PCDHGB4: variants seen among roughly 807,000 people sequenced by gnomAD.
The protein encoded by PCDHGB4 is protocadherin gamma-B4.
PCDHGB4 carries 38 observed loss-of-function variants against 60.5 expected under a neutral mutation model. The observed-to-expected ratio is 0.63, with a 90% confidence interval of 0.48 to 0.82. The LOEUF is 0.82. Among genes scored for constraint, PCDHGB4 ranks in the 40% least tolerant of loss-of-function variants. The pLI is 0.00. For synonymous variants in PCDHGB4, 456 were observed against 509.7 expected (o/e 0.89, Z 1.42); for missense variants, 1,109 against 1,209.6 (o/e 0.92, Z 1.23).
intron 1 of PCDHGB4, chr5:141,468,330 C>CAAAAAA (rs533390277): frequency 1.3e-5 from 1 of 79,878 alleles, no homozygotes. Context: ...AACTCCATCT[C>CAAAAAA]AAAAAAAAAA....
At chr5:141,456,214 G>C (rs552287407) in intron 1 of PCDHGB4, among the ~76,000 whole-genome samples, 8 of 152,136 alleles carry the variant, frequency 5.3e-5, no homozygotes, top group Non-Finnish European at 7.4e-5. Context: ...CCTCCCTGTG[G>C]CGATATCAAA....
intron 1 of PCDHGB4, chr5:141,410,107 G>A: frequency 3.1e-6 from 5 of 1,612,702 alleles, no homozygotes; most frequent in Non-Finnish European, 4.2e-6. Flanking sequence ...TAGGCGACAG[G>A]GACGCAGCCC....
In PCDHGB4 at chr5:141,477,229, C is replaced by G. The variant is rs1376731101; in HGVS notation, c.2398-17578C>G. The G allele has an allele frequency of 6.2e-7, 1 of 1,614,222 alleles. No homozygotes were observed. The highest frequency in any genetic ancestry group is 8.5e-7 in the Non-Finnish European group (1 of 1,180,052). On this transcript the variant is annotated intron_variant, in intron 1 of 3. Transcript: ENST00000519479. This position sits in a 1 kb window ranked among gnomAD's most constrained non-coding sequence, Gnocchi z 4.9. ...AGGATGCCCCTCTGGGGACTGTCAT[C>G]GCTTTGCTCAGTGTGACTGACCTGG...
chr5:141,468,274 G>A (rs1461428449), intron 1 of PCDHGB4, among the ~76,000 whole-genome samples: 1 of 144,906 alleles, frequency 6.9e-6, no homozygotes, highest in Non-Finnish European at 1.5e-5. Flanking sequence ...GTGGTGAGCC[G>A]AGACCACGCC....
intron 1 of PCDHGB4, chr5:141,404,308 C>T (rs1241004917): frequency 6.2e-7 from 1 of 1,613,918 alleles, no homozygotes; most frequent in Middle Eastern, 1.6e-4. Flanking sequence ...CACCTGCTTT[C>T]TCTCAAGCCT....
At chr5:141,404,495 T>A in intron 1 of PCDHGB4, 1 of 1,613,920 alleles carries the variant, frequency 6.2e-7, no homozygotes, top group South Asian at 1.1e-5. Context: ...TGGTGTGCTG[T>A]ATGCTCTGTG....
rs376819906 is a variant in PCDHGB4 at position 141,418,227 on chromosome 5, T to C, written c.2397+27946T>C. On this transcript the variant is annotated intron_variant, in intron 1 of 3. Transcript: ENST00000519479. ...AATATTTTTCATGTCATTGTGGTGA[T>C]TGAGGATGTTAATGACCACGCCCCT... The C allele has an allele frequency of 6.8e-6, 11 of 1,613,856 alleles. No homozygotes were observed. In the South Asian group the frequency reaches 7.7e-5, roughly 11 times the overall value.
intron 3 of PCDHGB4, among the ~76,000 whole-genome samples, chr5:141,508,439 T>C (rs1037512760): frequency 1.3e-5 from 2 of 152,188 alleles, no homozygotes; most frequent in African/African-American, 4.8e-5. Flanking sequence ...ACACAGTTCC[T>C]TAGTGGCAGA....
At chr5:141,419,717 G>A (rs1159633605) in intron 1 of PCDHGB4, 3 of 1,613,236 alleles carry the variant, frequency 1.9e-6, no homozygotes, top group Non-Finnish European at 2.5e-6. Flanking sequence ...CTTCAGCCTG[G>A]GGCTGCGAAC....
chr5:141,417,518 G>C (rs193231266), intron 1 of PCDHGB4: 8 of 257,454 alleles, frequency 3.1e-5, no homozygotes, highest in Non-Finnish European at 5.1e-5. Context: ...TATTTTGGCT[G>C]TCAACTCGTA....
Position 141,432,298 on chromosome 5 carries a change from A to T in PCDHGB4, c.2397+42017A>T. Reference sequence around the variant, plus strand: ...TGTCCATCAACTCCGACACTGGGGTACTGTATGCGCTGAGCTCCTTCGACT... The same window carrying T: ...TGTCCATCAACTCCGACACTGGGGTTCTGTATGCGCTGAGCTCCTTCGACT... On this transcript the variant is annotated intron_variant, in intron 1 of 3. Transcript: ENST00000519479. The surrounding 1 kb of genome is among the most constrained non-coding windows in gnomAD (Gnocchi z 6.0). The T allele has an allele frequency of 6.2e-7, 1 of 1,614,236 alleles. No homozygotes were observed. Among genetic ancestry groups the T allele is most frequent in the Non-Finnish European group, 8.5e-7 (1 of 1,180,036 alleles).
rs1435240793 is a variant in PCDHGB4 at position 141,402,906 on chromosome 5, CA to C, written c.2397+12626del. ...GGGTGGAAGAAAGAACCTGATGAAG[CA>C]GCGCGCACAGAGATCCTTTTGAGAA... On this transcript the variant is annotated intron_variant, in intron 1 of 3. Coordinates refer to ENST00000519479, the MANE Select transcript of PCDHGB4 (RefSeq NM_003736.4). The C allele has an allele frequency of 3.9e-6, 6 of 1,529,062 alleles. No homozygotes were observed. The African/African-American group carries it at 8.3e-5, about 21-fold the overall frequency. 94.7% of individuals were successfully genotyped at this position (1,529,062 alleles called of 1,614,324 possible). A position where few individuals can be genotyped will look rare whatever the true frequency, so the allele number is the denominator to read the frequency against.
At position 141,477,118 on chromosome 5, in the gene PCDHGB4, A is replaced by T. The variant is rs2099405787; in HGVS notation, c.2398-17689A>T. The T allele has an allele frequency of 6.2e-7, 1 of 1,614,228 alleles. No homozygotes were observed. Among genetic ancestry groups the T allele is most frequent in the Non-Finnish European group, 8.5e-7 (1 of 1,180,034 alleles). On this transcript the variant is annotated intron_variant, in intron 1 of 3. Coordinates refer to ENST00000519479, the MANE Select transcript of PCDHGB4 (RefSeq NM_003736.4). This position sits in a 1 kb window ranked among gnomAD's most constrained non-coding sequence, Gnocchi z 4.9. ...ACAAGGGCGCCAATCCCGAAGGAGC[A>T]CATTGCAAAGTGTTGGTGGAGGTTG...
chr5:141,410,847 G>GTATTTT, intron 1 of PCDHGB4: 1 of 158,250 alleles, frequency 6.3e-6, no homozygotes, highest in Non-Finnish European at 1.0e-5. Flanking sequence ...TTTTGTCTTT[G>GTATTTT]TCTTTTTTTT....
chr5:141,486,637 G>T lies in PCDHGB4; in HGVS notation c.2398-8170G>T. On this transcript the variant is annotated intron_variant, in intron 1 of 3. Coordinates refer to ENST00000519479, the MANE Select transcript of PCDHGB4 (RefSeq NM_003736.4). This position sits in a 1 kb window ranked among gnomAD's most constrained non-coding sequence, Gnocchi z 5.0. ...CTGACCCAGACTCTGGCTTGAATGCGCTTATCTCCTACTCACTCCTGGAGC... is the reference window on the plus strand; with the variant it reads ...CTGACCCAGACTCTGGCTTGAATGCTCTTATCTCCTACTCACTCCTGGAGC... 6.2e-7 allele frequency: 1 copy of T among 1,613,638 alleles called. No homozygotes were observed. The highest frequency in any genetic ancestry group is 8.5e-7 in the Non-Finnish European group (1 of 1,180,034).
rs371280575 is a variant in PCDHGB4 at position 141,393,339 on chromosome 5, C to T, written c.2397+3058C>T. ...CCAGAGCTACCAGCTCAGCCCCAAT[C>T]ACCACTTCTCCCTGGACGTGCAGAC... On this transcript the variant is annotated intron_variant, in intron 1 of 3. Coordinates refer to ENST00000519479, the MANE Select transcript of PCDHGB4 (RefSeq NM_003736.4). 109 of 1,613,800 alleles carry T rather than the reference C, an allele frequency of 6.8e-5. No individual in the cohort carries two copies. The highest frequency in any genetic ancestry group is 9.2e-5 in the Non-Finnish European group (109 of 1,179,890).
chr5:141,409,279 T>C, intron 1 of PCDHGB4: 1 of 1,613,972 alleles, frequency 6.2e-7, no homozygotes, highest in Non-Finnish European at 8.5e-7. Context: ...TTTTGGAGAA[T>C]TCACCTCCAG....
intron 1 of PCDHGB4, chr5:141,398,411 T>C (rs1346480691): frequency 6.8e-7 from 1 of 1,478,640 alleles, no homozygotes; most frequent in South Asian, 1.1e-5. Context: ...AGGGAGGAGA[T>C]ATGCGGGAAG....
intron 1 of PCDHGB4, chr5:141,415,748 T>A: frequency 9.9e-7 from 1 of 1,008,964 alleles, no homozygotes; most frequent in Non-Finnish European, 1.2e-6. Context: ...AGGTTTTTTT[T>A]TTTTTTTTTT....
Sources: allele counts gnomAD v4.1 joint callset (sites outside exome capture counted in the v4.1 genomes callset), GRCh38; gene constraint gnomAD v4.1.1; non-coding constraint Gnocchi (gnomAD v3.1); transcripts MANE v1.5; gene names NCBI Gene and HGNC (gene_info 2026-07-23, HGNC 2026-07-21).